BLTP1: variants seen among roughly 807,000 people sequenced by gnomAD.
BLTP1 encodes the protein bridge-like lipid transfer protein family member 1.
chr4:122,211,163 T>C, the BLTP1 span: 1 of 1,343,042 alleles, frequency 7.4e-7, no homozygotes, highest in African/African-American at 1.5e-5. Context: ...TAATTGAAAA[T>C]TGAGACCGTT....
At chr4:122,294,483 T>C in the BLTP1 span, among the ~76,000 whole-genome samples, 2 of 152,060 alleles carry the variant, frequency 1.3e-5, no homozygotes, top group East Asian at 3.9e-4. Flanking sequence ...CTCAGAACAC[T>C]AGAGTCTGGA....
At chr4:122,262,160 G>GTGTA in the BLTP1 span, among the ~76,000 whole-genome samples, 2 of 147,336 alleles carry the variant, frequency 1.4e-5, no homozygotes, top group African/African-American at 5.3e-5. Context: ...GTGTGTGTGT[G>GTGTA]TGTGTGTGTG....
At chr4:122,308,905 T>C in the BLTP1 span, among the ~76,000 whole-genome samples, 1 of 152,064 alleles carries the variant, frequency 6.6e-6, no homozygotes, top group Non-Finnish European at 1.5e-5. Flanking sequence ...GGCATTGGTA[T>C]GTTTGTGTTT....
chr4:122,207,078 A>G, the BLTP1 span: 1 of 1,559,084 alleles, frequency 6.4e-7, no homozygotes. Flanking sequence ...AACTAACTTT[A>G]CAATTTCTAT....
chr4:122,197,166 T>G, the BLTP1 span: 1 of 911,142 alleles, frequency 1.1e-6, no homozygotes, highest in South Asian at 1.9e-5. Context: ...AATTAATGTT[T>G]TATATGAATT....
At chr4:122,348,250 C>A in the BLTP1 span, among the ~76,000 whole-genome samples, 2 of 152,108 alleles carry the variant, frequency 1.3e-5, no homozygotes, top group Non-Finnish European at 2.9e-5. Context: ...TTATGATTTT[C>A]TTCTTTGTTA....
the BLTP1 span, among the ~76,000 whole-genome samples, chr4:122,275,362 C>T: frequency 7.2e-5 from 11 of 152,022 alleles, no homozygotes; most frequent in South Asian, 6.2e-4. Flanking sequence ...GCCTAAAATA[C>T]TTAATATAGT....
the BLTP1 span, chr4:122,181,201 T>C: frequency 8.6e-6 from 6 of 695,894 alleles, no homozygotes; most frequent in Admixed American, 1.3e-4. Flanking sequence ...ACCTAGGGAG[T>C]ATTTACAAAC....
chr4:122,172,813 C>T, the BLTP1 span, among the ~76,000 whole-genome samples: 1 of 152,098 alleles, frequency 6.6e-6, no homozygotes, highest in African/African-American at 2.4e-5. Flanking sequence ...CAGTACAAAG[C>T]AGTGATAAAG....
the BLTP1 span, chr4:122,334,690 G>A: frequency 1.4e-6 from 1 of 736,022 alleles, no homozygotes; most frequent in Non-Finnish European, 2.1e-6. Context: ...CTTCATATAT[G>A]GAAGTGTGGG....
At chr4:122,301,253 T>C in the BLTP1 span, 1 of 1,488,912 alleles carries the variant, frequency 6.7e-7, no homozygotes, top group Non-Finnish European at 8.9e-7. Context: ...AATAGTTATT[T>C]TTTTTCTTTA....
chr4:122,304,742 G>C, the BLTP1 span: 1 of 1,593,536 alleles, frequency 6.3e-7, no homozygotes. Flanking sequence ...CATTTGAGTA[G>C]GTATATGTTG....
chr4:122,220,629 G>A, the BLTP1 span, among the ~76,000 whole-genome samples: 1 of 152,242 alleles, frequency 6.6e-6, no homozygotes, highest in South Asian at 2.1e-4. Flanking sequence ...ATGTTTATGT[G>A]TATGAGAGTT....
At chr4:122,352,085 A>G in the BLTP1 span, among the ~76,000 whole-genome samples, 1 of 152,188 alleles carries the variant, frequency 6.6e-6, no homozygotes, top group Non-Finnish European at 1.5e-5. Context: ...CTCCCAGGCA[A>G]TGCTGATTCT....
chr4:122,343,492 A>G, the BLTP1 span: 1 of 1,614,110 alleles, frequency 6.2e-7, no homozygotes, highest in South Asian at 1.1e-5. Flanking sequence ...GCAGTAGTTC[A>G]TCTGGCTTGA....
the BLTP1 span, chr4:122,257,111 T>G: frequency 1.2e-6 from 1 of 833,568 alleles, no homozygotes; most frequent in Admixed American, 2.7e-5. Context: ...TGGGTAACTT[T>G]GAACAAATTA....
At chr4:122,237,854 G>A in the BLTP1 span, among the ~76,000 whole-genome samples, 7 of 151,762 alleles carry the variant, frequency 4.6e-5, no homozygotes, top group East Asian at 7.8e-4. Context: ...GTGGTGGTGC[G>A]TGCCTGTAGT....
chr4:122,349,965 C>T, the BLTP1 span: 3 of 1,613,926 alleles, frequency 1.9e-6, no homozygotes, highest in South Asian at 2.2e-5. The surrounding 1 kb of genome is among the most constrained non-coding windows in gnomAD (Gnocchi z 4.5). Flanking sequence ...AGGAATTTTT[C>T]ACACAACAAT....
the BLTP1 span, chr4:122,243,821 T>C: frequency 1.4e-6 from 2 of 1,446,400 alleles, no homozygotes; most frequent in East Asian, 2.6e-5. Context: ...TCATGGTCTT[T>C]TTAATATACA....
Sources: gnomAD v4.1 joint callset for allele counts (sites outside exome capture counted in the v4.1 genomes callset) on GRCh38, gnomAD v4.1.1 for gene constraint, Gnocchi (gnomAD v3.1) non-coding constraint, MANE v1.5 for transcripts, NCBI Gene and HGNC (gene_info 2026-07-23, HGNC 2026-07-21) for gene names.